TRNT1: variants seen among roughly 807,000 people sequenced by gnomAD.
The protein encoded by TRNT1 is tRNA nucleotidyl transferase 1.
A neutral mutation model predicts 45.6 loss-of-function variants in TRNT1; 44 were observed. That is an observed-to-expected ratio of 0.97 (90% CI 0.76 to 1.24). The LOEUF is 1.24. Ranked by LOEUF, TRNT1 falls within the 50% of genes most tolerant of loss-of-function variation. The probability of loss-of-function intolerance (pLI) is 0.00; values close to 1 mark genes in which losing one functional copy is unlikely to be tolerated. For synonymous variants in TRNT1, 201 were observed against 171.4 expected (o/e 1.17, Z -1.35); for missense variants, 633 against 504.4 (o/e 1.25, Z -2.44).
At chr3:3,153,230 C>A (rs1463680429), downstream of TRNT1, 3 of 542,018 alleles carry the variant, frequency 5.5e-6, no homozygotes, top group Non-Finnish European at 1.0e-5. Flanking sequence ...TGTGAATAAT[C>A]CCTGACATGC....
intron 2 of TRNT1, among the ~76,000 whole-genome samples, chr3:3,133,167 GTAT>G (rs1271224199): frequency 4.6e-5 from 7 of 152,120 alleles, no homozygotes; most frequent in African/African-American, 1.4e-4. Flanking sequence ...CTAGAATAGT[GTAT>G]TATTGTCATA....
rs76993709 is a variant in TRNT1 at position 3,136,363 on chromosome 3, A to G, written c.149-897A>G. The stretch of plus-strand genomic sequence containing the variant: ...GTGGATTTTGCCTTATCCTCTACAT[A>G]TAGAGGAGTCAGCTATGTAGTTGCT... On this transcript the variant is annotated intron_variant, in intron 2 of 7. Transcript: ENST00000251607. Among the ~76,000 whole-genome samples the G allele has an allele frequency of 5.9e-3, 903 of 152,282 alleles. 11 individuals carry two copies. Among genetic ancestry groups the G allele is most frequent in the African/African-American group, 0.016 (647 of 41,560 alleles).
chr3:3,143,241 A>G (rs334756), intron 4 of TRNT1, among the ~76,000 whole-genome samples: 110,666 of 152,084 alleles, frequency 0.73, 42,357 homozygotes, highest in East Asian at 0.94. Context: ...TGAGCTTGAA[A>G]TACTTCCTTG....
chr3:3,148,327 A>AGAAAGGTGGAT lies in TRNT1; in HGVS notation c.*173_*174insGAAAGGTGGAT. On this transcript the variant is annotated 3_prime_UTR_variant, in exon 8 of 8. Transcript: ENST00000251607. ...TATTTCAAGAACTAAACAGAGATCC[A>AGAAAGGTGGAT]CCTTTCTGGATCTGATTTATATCAC... 1.6e-6 allele frequency: 1 copy of AGAAAGGTGGAT among 624,736 alleles called. No homozygotes were observed. The highest frequency in any genetic ancestry group is 2.7e-6 in the Non-Finnish European group (1 of 374,508). The allele number at this position is 624,736 out of a possible 1,614,324, so 38.7% of individuals were successfully genotyped here.
chr3:3,147,748 G>A lies in TRNT1; in HGVS notation c.1056+45G>A, dbSNP rs61392123. On this transcript the variant is annotated intron_variant, in intron 7 of 7. Transcript: ENST00000251607. Reference sequence around the variant, plus strand: ...GGTCAGAAATATGAAGTATCGTCACGAATTTAGAATTAATTTATTAAAACT... The same window carrying A: ...GGTCAGAAATATGAAGTATCGTCACAAATTTAGAATTAATTTATTAAAACT... 0.046 allele frequency: 71,725 copies of A among 1,545,664 alleles called. 1,793 individuals carry two copies. Among genetic ancestry groups the A allele is most frequent in the East Asian group, 0.055 (2,445 of 44,252 alleles).
At chr3:3,141,868 A>C (rs939955006) in intron 4 of TRNT1, among the ~76,000 whole-genome samples, 2 of 152,242 alleles carry the variant, frequency 1.3e-5, no homozygotes, top group Non-Finnish European at 2.9e-5. Context: ...TAGGGTACCT[A>C]CTGGGTTCTA....
chr3:3,137,146 T>C, intron 2 of TRNT1, 114 bp from the exon 3 acceptor site: 1 of 794,842 alleles, frequency 1.3e-6, no homozygotes, highest in South Asian at 2.6e-5. Context: ...AAGCCTCAGT[T>C]AAATGAATCT....
chr3:3,147,318 C>T, intron 6 of TRNT1, 132 bp from the exon 7 acceptor site: 1 of 995,284 alleles, frequency 1.0e-6, no homozygotes, highest in Non-Finnish European at 1.5e-6. Flanking sequence ...TAAGTTGGAA[C>T]ATCAGACTGA....
chr3:3,140,936 G>T (rs1413306489), intron 4 of TRNT1, among the ~76,000 whole-genome samples: 1 of 152,152 alleles, frequency 6.6e-6, no homozygotes, highest in Non-Finnish European at 1.5e-5. Context: ...TAAAAAATTA[G>T]CCGGGCGTGG....
downstream of TRNT1, chr3:3,150,870 A>G (rs1360875656): frequency 6.2e-7 from 1 of 1,613,404 alleles, no homozygotes; most frequent in Admixed American, 1.7e-5. Context: ...TCTGTTTACA[A>G]GCAAAGTATT....
At chr3:3,146,746 A>G (rs1362420377) in intron 6 of TRNT1, 123 bp downstream of exon 6, 2 of 970,032 alleles carry the variant, frequency 2.1e-6, no homozygotes, top group Admixed American at 5.9e-5. Context: ...GTATTTTAAA[A>G]TAAGACAAAG....
At chr3:3,136,513 A>G (rs1250015341) in intron 2 of TRNT1, among the ~76,000 whole-genome samples, 2 of 152,224 alleles carry the variant, frequency 1.3e-5, no homozygotes, top group African/African-American at 4.8e-5. Flanking sequence ...GTATAGACTA[A>G]TGTCTGATAG....
At chr3:3,146,039 C>T (rs988355942) in intron 5 of TRNT1, among the ~76,000 whole-genome samples, 2 of 150,288 alleles carry the variant, frequency 1.3e-5, no homozygotes, top group African/African-American at 4.9e-5. Context: ...TGTTAAGGCA[C>T]TGCAGTCTTG....
intron 2 of TRNT1, chr3:3,129,928 C>T: frequency 6.4e-7 from 1 of 1,550,610 alleles, no homozygotes; most frequent in South Asian, 1.2e-5. Context: ...GGTATAAATG[C>T]TTTCCATGAG....
intron 2 of TRNT1, among the ~76,000 whole-genome samples, chr3:3,133,768 ACT>A (rs1188896546): frequency 6.6e-6 from 1 of 151,876 alleles, no homozygotes; most frequent in Non-Finnish European, 1.5e-5. Context: ...ACAACTGATC[ACT>A]CTCTTGAAGT....
chr3:3,141,803 T>G (rs1705671655), intron 4 of TRNT1, among the ~76,000 whole-genome samples: 1 of 152,146 alleles, frequency 6.6e-6, no homozygotes, highest in Non-Finnish European at 1.5e-5. Flanking sequence ...GGGCAAGAAG[T>G]TTATAAGCTA....
chr3:3,136,271 T>C (rs906855187), intron 2 of TRNT1, among the ~76,000 whole-genome samples: 10 of 152,166 alleles, frequency 6.6e-5, no homozygotes, highest in African/African-American at 2.4e-4. Flanking sequence ...GGGCCTAATA[T>C]TGTGGCAGGC....
Sources: allele counts gnomAD v4.1 joint callset (sites outside exome capture counted in the v4.1 genomes callset), GRCh38; gene constraint gnomAD v4.1.1; transcripts MANE v1.5; gene names NCBI Gene and HGNC (gene_info 2026-07-23, HGNC 2026-07-21).